WDCP: variants seen among roughly 807,000 people sequenced by gnomAD.
The protein encoded by WDCP is WD repeat and coiled-coil-containing protein.
WDCP carries 19 observed loss-of-function variants against 41.6 expected under a neutral mutation model. That is an observed-to-expected ratio of 0.46 (90% CI 0.32 to 0.67). The LOEUF is 0.67. Among genes scored for constraint, WDCP ranks in the 30% least tolerant of loss-of-function variants. WDCP has a pLI of 0.04. For missense variants in WDCP, 802 were observed against 850.7 expected (o/e 0.94, Z 0.71); for synonymous variants, 302 against 320.8 (o/e 0.94, Z 0.63).
intron 2 of WDCP, among the ~76,000 whole-genome samples, chr2:24,036,161 T>C (rs544044002): frequency 6.6e-6 from 1 of 151,824 alleles, no homozygotes; most frequent in South Asian, 2.1e-4. Context: ...ATTAAAACTC[T>C]ACTACTGAAA....
In WDCP at chr2:24,037,989, A is replaced by G. The variant is rs1304380955; in HGVS notation, c.1506T>C (p.Pro502=). 1 of 1,614,234 alleles carries G rather than the reference A, an allele frequency of 6.2e-7. No homozygotes were observed. The highest frequency in any genetic ancestry group is 8.5e-7 in the Non-Finnish European group (1 of 1,180,034). The stretch of plus-strand genomic sequence containing the variant: ...TGGAGCCATCACAGATACTAGACAG[A>G]GGACTCTGGATTTCTTTAATAAGTG... ...GRTLIKEIQS[P]LSSICDGSIA... is the part of the protein sequence containing the mutation. Residue 502 remains proline (P), a synonymous_variant, in exon 2 of 4, where the codon CCT becomes CCC. Coordinates refer to ENST00000295148, the MANE Select transcript of WDCP (RefSeq NM_025203.3).
rs1663308860 is a variant in WDCP at position 24,037,974 on chromosome 2, A to G, written c.1521T>C (p.Cys507=). ...KEIQSPLSSI[C]DGSIALDAEP... is the part of the protein sequence containing the mutation. ...CAGCATCTAGAGCTATGGAGCCATC[A>G]CAGATACTAGACAGAGGACTCTGGA... The change falls in exon 2 of 4, where the codon TGT becomes TGC. Residue 507 remains cysteine (C), a synonymous_variant. Transcript: ENST00000295148. 6.2e-7 allele frequency: 1 copy of G among 1,614,108 alleles called. No homozygotes were observed. The highest frequency in any genetic ancestry group is 1.3e-5 in the African/African-American group (1 of 74,936).
chr2:24,038,490 A>G lies in WDCP; in HGVS notation c.1005T>C (p.Thr335=). ...GATCAGGAACCAGAATGCCTGGAAT[A>G]GTGACTTTTCTCGTCATGGTAACTG... The part of the protein sequence containing the change: ...KKAVTMTRKV[T]IPGILVPDLI... The change falls in exon 2 of 4, where the codon ACT becomes ACC. Residue 335 remains threonine, a synonymous_variant. Coordinates refer to ENST00000295148, the MANE Select transcript of WDCP (RefSeq NM_025203.3). 1 of 1,614,254 alleles carries G rather than the reference A, an allele frequency of 6.2e-7. No homozygotes were observed.
rs1663069697 is a variant in WDCP at position 24,030,424 on chromosome 2, A to G, written c.*509T>C. On this transcript the variant is annotated 3_prime_UTR_variant, in exon 4 of 4. Coordinates refer to ENST00000295148, the MANE Select transcript of WDCP (RefSeq NM_025203.3). ...AGCCACTTCCTGTTCCTGAGAGCAG[A>G]AGCCAGTGGGTCTCTGGTCCTCCTT... 1 of 152,422 alleles carries G rather than the reference A, an allele frequency of 6.6e-6. No individual in the cohort carries two copies. The highest frequency in any genetic ancestry group is 1.5e-5 in the Non-Finnish European group (1 of 68,192). The allele number at this position is 152,422 out of a possible 1,614,324, so 9.4% of individuals were successfully genotyped here.
At chr2:24,043,038 A>AG (rs1663501248) in intron 1 of WDCP, among the ~76,000 whole-genome samples, 1 of 151,524 alleles carries the variant, frequency 6.6e-6, no homozygotes. Context: ...CGTCTCAAAA[A>AG]AAAAAAAAAA....
At chr2:24,045,307 G>A (rs1663576254) in intron 1 of WDCP, among the ~76,000 whole-genome samples, 4 of 152,156 alleles carry the variant, frequency 2.6e-5, no homozygotes, top group African/African-American at 7.2e-5. Flanking sequence ...TCAAAGGCAA[G>A]GAAGGCAGGG....
Position 24,039,175 on chromosome 2 carries a change from T to A in WDCP, c.320A>T (p.Glu107Val), listed in dbSNP as rs990161262. 6.2e-7 allele frequency: 1 copy of A among 1,614,162 alleles called. No homozygotes were observed. ...AAGGATAGGTAGTGATCCTCTAATC[T>A]CACAAGTCTGAGACGTCAGCCATTT... is the stretch of plus-strand genomic sequence containing the variant. ...SSKWLTSQTC[E>V]IRGSLPILPQ... is the part of the protein sequence containing the mutation. The change falls in exon 2 of 4, where the codon GAG becomes GTG. Residue 107 changes from glutamate (E) to valine (V), a missense_variant. By Grantham distance (121) the Glu-to-Val change is moderately radical. This residue lies in a region of WDCP where 214 missense variants were observed against 252.9 expected (regional missense o/e 0.85). Coordinates refer to ENST00000295148, the MANE Select transcript of WDCP (RefSeq NM_025203.3).
intron 2 of WDCP, chr2:24,033,209 A>G (rs1285010938): frequency 3.6e-6 from 2 of 555,630 alleles, no homozygotes; most frequent in Non-Finnish European, 7.1e-6. Flanking sequence ...AATACAACTA[A>G]TAACACTAAA....
chr2:24,035,477 A>G lies in WDCP; in HGVS notation c.1818+2200T>C, dbSNP rs140926691. Reference sequence around the variant, plus strand: ...GTTCTTGGTATACAGTTTTTATTAAAATACAGTTTTGCTTTTTAAACCAAA... The same window carrying G: ...GTTCTTGGTATACAGTTTTTATTAAGATACAGTTTTGCTTTTTAAACCAAA... On this transcript the variant is annotated intron_variant, in intron 2 of 3. Coordinates refer to ENST00000295148, the MANE Select transcript of WDCP (RefSeq NM_025203.3). Among the ~76,000 whole-genome samples, 242 of 152,302 alleles carry G rather than the reference A, an allele frequency of 1.6e-3. 1 individual carries two copies. The highest frequency in any genetic ancestry group is 5.7e-3 in the African/African-American group (238 of 41,578).
At chr2:24,041,336 T>G (rs1406328264) in intron 1 of WDCP, among the ~76,000 whole-genome samples, 1 of 139,182 alleles carries the variant, frequency 7.2e-6, no homozygotes, top group Non-Finnish European at 1.6e-5. Context: ...CAAAACTCTA[T>G]CTCCAAAAAA....
At position 24,038,655 on chromosome 2, in the gene WDCP, T is replaced by A; in HGVS notation, c.840A>T (p.Leu280Phe). 6.2e-7 allele frequency: 1 copy of A among 1,614,244 alleles called. No homozygotes were observed. Among genetic ancestry groups the A allele is most frequent in the Non-Finnish European group, 8.5e-7 (1 of 1,180,040 alleles). The change falls in exon 2 of 4, where the codon TTA becomes TTT. Residue 280 changes from leucine to phenylalanine, a missense_variant. By Grantham distance (22) the Leu-to-Phe change is conservative. Coordinates refer to ENST00000295148, the MANE Select transcript of WDCP (RefSeq NM_025203.3). ...GTATGTGAGTTAGATCCAGAGGTTC[T>A]AAATAGGAAGAAGAAACTGATACTT... is the stretch of plus-strand genomic sequence containing the variant. ...NSEVSVSSSY[L>F]EPLDLTHIHF...
intron 2 of WDCP, among the ~76,000 whole-genome samples, chr2:24,035,118 T>G (rs1432532016): frequency 1.3e-5 from 2 of 151,792 alleles, no homozygotes; most frequent in African/African-American, 4.8e-5. Context: ...CTCTAAAGGT[T>G]GGATTATGGA....
At chr2:24,046,130 G>A (rs531180181) in intron 1 of WDCP, among the ~76,000 whole-genome samples, 1 of 151,840 alleles carries the variant, frequency 6.6e-6, no homozygotes, top group African/African-American at 2.4e-5. Flanking sequence ...GGGGGTGGGG[G>A]CAGTAGGGGA....
At chr2:24,044,720 C>G (rs1663556937) in intron 1 of WDCP, among the ~76,000 whole-genome samples, 1 of 151,346 alleles carries the variant, frequency 6.6e-6, no homozygotes, top group Non-Finnish European at 1.5e-5. Flanking sequence ...TGACTTCTCC[C>G]TTTTTATTAG....
intron 2 of WDCP, among the ~76,000 whole-genome samples, chr2:24,036,239 C>T (rs780972352): frequency 6.6e-6 from 1 of 151,824 alleles, no homozygotes; most frequent in Non-Finnish European, 1.5e-5. Flanking sequence ...CATGCAGTGG[C>T]ACACACCTGT....
chr2:24,045,481 G>T (rs1049657107), intron 1 of WDCP, among the ~76,000 whole-genome samples: 5 of 151,660 alleles, frequency 3.3e-5, no homozygotes, highest in African/African-American at 1.2e-4. Context: ...TGTGCCTGTA[G>T]TTCCAGCTAC....
rs1663303604 is a variant in WDCP at position 24,037,857 on chromosome 2, C to G, written c.1638G>C (p.Lys546Asn). ...AAGTTTCCTTTTCACTTTGTAAGTT[C>G]TTTCTTTGAGGCAAACGAGGAGGCT... ...TLEPPRLPQR[K>N]NLQSEKETYQ... is the part of the protein sequence containing the mutation. The change falls in exon 2 of 4, where the codon AAG becomes AAC. Residue 546 changes from lysine (K) to asparagine (N), a missense_variant. Around this residue, in one of 5 missense-constraint regions of WDCP, gnomAD observed 321 missense variants for 305.1 expected, o/e 1.05. Coordinates refer to ENST00000295148, the MANE Select transcript of WDCP (RefSeq NM_025203.3). 6.2e-7 allele frequency: 1 copy of G among 1,614,004 alleles called. No homozygotes were observed. The highest frequency in any genetic ancestry group is 8.5e-7 in the Non-Finnish European group (1 of 1,180,024).
chr2:24,039,316 A>T lies in WDCP; in HGVS notation c.179T>A (p.Val60Asp), dbSNP rs201773392. 1.2e-6 allele frequency: 2 copies of T among 1,614,234 alleles called. No individual in the cohort carries two copies. Among genetic ancestry groups the T allele is most frequent in the Non-Finnish European group, 1.7e-6 (2 of 1,180,048 alleles). Residue 60 changes from valine (V) to aspartate (D), a missense_variant, in exon 2 of 4, where the codon GTC becomes GAC. Physicochemically the swap from Val to Asp is radical, Grantham distance 152. This residue lies in a region of WDCP where 214 missense variants were observed against 252.9 expected (regional missense o/e 0.85). Coordinates refer to ENST00000295148, the MANE Select transcript of WDCP (RefSeq NM_025203.3). ...DSKVIGQFECVCGLSWAPPVA... is the reference protein window; with the variant it reads ...DSKVIGQFECDCGLSWAPPVA... Reference sequence around the variant, plus strand: ...AGGTGGGGCCCAGGACAACCCACAGACACATTCAAACTGTCCAATGACTTT... The same window carrying T: ...AGGTGGGGCCCAGGACAACCCACAGTCACATTCAAACTGTCCAATGACTTT...
At chr2:24,043,408 G>A (rs1197038586) in intron 1 of WDCP, among the ~76,000 whole-genome samples, 1 of 152,070 alleles carries the variant, frequency 6.6e-6, no homozygotes, top group Non-Finnish European at 1.5e-5. Flanking sequence ...CAATTTAGGA[G>A]GCCAAGGCAG....
Sources: allele counts gnomAD v4.1 joint callset (sites outside exome capture counted in the v4.1 genomes callset), GRCh38; gene constraint gnomAD v4.1.1; regional missense constraint gnomAD v4.1.1; transcripts MANE v1.5; gene names NCBI Gene and HGNC (gene_info 2026-07-23, HGNC 2026-07-21).